The following CADPS2 variants were observed in gnomAD, a reference collection of about 807,000 sequenced individuals.
CADPS2 encodes calcium dependent secretion activator 2.
CADPS2 carries 93 observed loss-of-function variants against 172.5 expected under a neutral mutation model. The ratio of observed to expected loss-of-function variants is 0.54; its 90% confidence interval spans 0.46 to 0.64. The LOEUF (loss-of-function observed/expected upper bound fraction) is 0.64, where lower values mean the gene tolerates loss of function less well. CADPS2 is among the 30% of genes least tolerant of loss of function. The pLI, the probability that CADPS2 is intolerant of heterozygous loss-of-function variation, is 0.00. For missense variants in CADPS2, 1,420 were observed against 1,565.9 expected (o/e 0.91, Z 1.57); for synonymous variants, 546 against 555.2 (o/e 0.98, Z 0.23).
intron 3 of CADPS2, among the ~76,000 whole-genome samples, chr7:122,656,523 G>A (rs1275500666): frequency 1.3e-5 from 2 of 152,130 alleles, no homozygotes; most frequent in Non-Finnish European, 2.9e-5. Context: ...TAGTAGGAGG[G>A]AGCAATCCTC....
chr7:122,567,422 T>G (rs2066609807), intron 7 of CADPS2, among the ~76,000 whole-genome samples: 1 of 152,188 alleles, frequency 6.6e-6, no homozygotes, highest in African/African-American at 2.4e-5. Flanking sequence ...AAGCATCGAC[T>G]TTGGTGTGAT....
chr7:122,562,434 G>T (rs959869212), intron 7 of CADPS2, among the ~76,000 whole-genome samples: 1 of 152,064 alleles, frequency 6.6e-6, no homozygotes, highest in Admixed American at 6.6e-5. Context: ...ATGGGAAAAG[G>T]CAAAACAAAA....
chr7:122,602,471 A>T (rs1203105311), intron 6 of CADPS2, among the ~76,000 whole-genome samples: 2 of 152,114 alleles, frequency 1.3e-5, no homozygotes, highest in African/African-American at 4.8e-5. Flanking sequence ...AAATGGAAAT[A>T]TAATACATTG....
chr7:122,426,612 G>C (rs2049203457), intron 17 of CADPS2, among the ~76,000 whole-genome samples: 1 of 152,208 alleles, frequency 6.6e-6, no homozygotes, highest in Non-Finnish European at 1.5e-5. Context: ...GATAAATACA[G>C]AGGTAGAAAC....
chr7:122,603,546 T>C (rs1238016125), intron 6 of CADPS2, among the ~76,000 whole-genome samples: 4 of 151,944 alleles, frequency 2.6e-5, no homozygotes, highest in Non-Finnish European at 5.9e-5. Flanking sequence ...CGATTGGGTG[T>C]TCCTACCTAT....
intron 6 of CADPS2, among the ~76,000 whole-genome samples, chr7:122,589,210 C>T (rs915352980): frequency 6.6e-6 from 1 of 152,034 alleles, no homozygotes; most frequent in African/African-American, 2.4e-5. Flanking sequence ...ACCAAGTAGA[C>T]ACAATATCCC....
At chr7:122,712,975 G>T (rs934051178) in intron 2 of CADPS2, among the ~76,000 whole-genome samples, 1 of 151,758 alleles carries the variant, frequency 6.6e-6, no homozygotes, top group Non-Finnish European at 1.5e-5. Context: ...ACATCTCAAG[G>T]GGAACACAAA....
At chr7:122,695,807 T>C (rs2084995676) in intron 2 of CADPS2, among the ~76,000 whole-genome samples, 3 of 152,092 alleles carry the variant, frequency 2.0e-5, no homozygotes, top group Admixed American at 6.6e-5. Context: ...GTAACTCAGG[T>C]CTTAGATTGA....
chr7:122,833,897 T>C (rs567517702), intron 1 of CADPS2, among the ~76,000 whole-genome samples: 68 of 152,154 alleles, frequency 4.5e-4, no homozygotes, highest in Non-Finnish European at 9.0e-4. Context: ...CTTTGATTAA[T>C]TGGAACATGA....
At chr7:122,568,221 A>C (rs2066719450) in intron 7 of CADPS2, among the ~76,000 whole-genome samples, 1 of 152,148 alleles carries the variant, frequency 6.6e-6, no homozygotes, top group Non-Finnish European at 1.5e-5. Context: ...CAACACGGCA[A>C]AACCCCATCT....
At chr7:122,530,512 C>T (rs1257356435) in intron 8 of CADPS2, among the ~76,000 whole-genome samples, 1 of 152,018 alleles carries the variant, frequency 6.6e-6, no homozygotes, top group African/African-American at 2.4e-5. Flanking sequence ...CTTATAACAA[C>T]TTACCTTTCA....
chr7:122,453,026 T>G (rs1010042941), intron 14 of CADPS2, among the ~76,000 whole-genome samples: 1 of 152,154 alleles, frequency 6.6e-6, no homozygotes, highest in African/African-American at 2.4e-5. Flanking sequence ...AGTATGAGAT[T>G]TTTTTTCCAA....
At chr7:122,612,970 G>A (rs1345398644) in intron 6 of CADPS2, among the ~76,000 whole-genome samples, 2 of 152,084 alleles carry the variant, frequency 1.3e-5, no homozygotes, top group Non-Finnish European at 2.9e-5. Flanking sequence ...AACAAATGGT[G>A]TTGGGACAAC....
chr7:122,805,036 C>T (rs1798482415), intron 1 of CADPS2, among the ~76,000 whole-genome samples: 1 of 152,158 alleles, frequency 6.6e-6, no homozygotes, highest in Non-Finnish European at 1.5e-5. Flanking sequence ...GTGTATGTAT[C>T]TTGTGTTCCT....
chr7:122,576,687 G>A (rs1029064511), intron 7 of CADPS2, among the ~76,000 whole-genome samples: 2 of 152,070 alleles, frequency 1.3e-5, no homozygotes, highest in African/African-American at 4.8e-5. Flanking sequence ...CACAAGTCAA[G>A]GGAGAGACCA....
At chr7:122,354,579 TG>T (rs1295159539) in intron 27 of CADPS2, among the ~76,000 whole-genome samples, 1 of 152,050 alleles carries the variant, frequency 6.6e-6, no homozygotes, top group Admixed American at 6.6e-5. Flanking sequence ...ACTTTTTTTT[TG>T]GGGGGGAGGG....
chr7:122,551,996 A>C (rs2064362875), intron 8 of CADPS2, among the ~76,000 whole-genome samples: 2 of 152,148 alleles, frequency 1.3e-5, no homozygotes, highest in African/African-American at 4.8e-5. Flanking sequence ...TTGCCAATAC[A>C]TGTTTACACA....
intron 25 of CADPS2, among the ~76,000 whole-genome samples, chr7:122,369,354 A>G (rs1167668751): frequency 1.3e-5 from 2 of 151,548 alleles, no homozygotes; most frequent in African/African-American, 4.8e-5. Flanking sequence ...GATGGTCTCG[A>G]TCTCCTGACC....
intron 7 of CADPS2, among the ~76,000 whole-genome samples, chr7:122,558,582 T>C (rs1027875980): frequency 2.0e-5 from 3 of 152,158 alleles, no homozygotes; most frequent in East Asian, 3.9e-4. Flanking sequence ...TCATCTTTGC[T>C]AAGGTGTAAT....
Sources: allele counts gnomAD v4.1 joint callset (sites outside exome capture counted in the v4.1 genomes callset), GRCh38; gene constraint gnomAD v4.1.1; transcripts MANE v1.5; gene names NCBI Gene and HGNC (gene_info 2026-07-23, HGNC 2026-07-21).